PPIL2: variants seen among roughly 807,000 people sequenced by gnomAD.
PPIL2 encodes the protein RING-type E3 ubiquitin-protein ligase PPIL2.
PPIL2 carries 50 observed loss-of-function variants against 75.2 expected under a neutral mutation model. That is an observed-to-expected ratio of 0.66 (90% CI 0.53 to 0.84). PPIL2 has a LOEUF of 0.84. Ranked by LOEUF, PPIL2 falls within the 40% of genes least tolerant of loss-of-function variation. The pLI is 0.00. For synonymous variants in PPIL2, 245 were observed against 258.8 expected (o/e 0.95, Z 0.51); for missense variants, 590 against 685.0 (o/e 0.86, Z 1.55).
intron 6 of PPIL2, among the ~76,000 whole-genome samples, chr22:21,675,998 G>A (rs1407730534): frequency 1.3e-5 from 2 of 152,236 alleles, no homozygotes; most frequent in Non-Finnish European, 2.9e-5. Flanking sequence ...TCTTTTGCCT[G>A]TGGAGATGCT....
At chr22:21,691,088 C>T (rs749929376) in intron 15 of PPIL2, among the ~76,000 whole-genome samples, 6 of 144,002 alleles carry the variant, frequency 4.2e-5, no homozygotes, top group Non-Finnish European at 7.5e-5. Context: ...GGATTACAGA[C>T]GCCCACCACC....
chr22:21,686,814 TC>T, intron 11 of PPIL2, 77 bp from the exon 12 acceptor site: 1 of 1,388,524 alleles, frequency 7.2e-7, no homozygotes, highest in East Asian at 2.3e-5. Flanking sequence ...CGCCTGTGTG[TC>T]TGAGGTCGGT....
At chr22:21,670,800 T>A in intron 3 of PPIL2, 189 bp downstream of exon 3, 1 of 831,330 alleles carries the variant, frequency 1.2e-6, no homozygotes, top group East Asian at 2.4e-5. Flanking sequence ...TGTTGGATCC[T>A]GCTCTAGACC....
Position 21,675,087 on chromosome 22 carries a change from C to T in PPIL2, c.267C>T (p.Ile89=). The T allele has an allele frequency of 1.9e-6, 3 of 1,613,330 alleles. No homozygotes were observed. Among genetic ancestry groups the T allele is most frequent in the Non-Finnish European group, 2.5e-6 (3 of 1,179,334 alleles). The part of the protein sequence containing the change: ...NGEKLDGRSL[I]KLNFSKNSEG... ...AGAAGCTGGACGGGAGGTCCCTGAT[C>T]AAGCTGAACTTTTCCAAGAACAGTG... Residue 89 remains isoleucine, a synonymous_variant, in exon 6 of 20, where the codon ATC becomes ATT. Coordinates refer to ENST00000398831, the MANE Select transcript of PPIL2 (RefSeq NM_014337.4).
At chr22:21,684,121 C>T (rs1438953635) in intron 9 of PPIL2, among the ~76,000 whole-genome samples, 4 of 150,714 alleles carry the variant, frequency 2.7e-5, no homozygotes, top group Admixed American at 2.6e-4. Context: ...GCAGGAGAAT[C>T]GATTGAGCCC....
chr22:21,691,710 A>G (rs1052558341), intron 15 of PPIL2, among the ~76,000 whole-genome samples: 1 of 151,410 alleles, frequency 6.6e-6, no homozygotes, highest in African/African-American at 2.4e-5. Flanking sequence ...AAGATTTTCT[A>G]GGAGGAGCTT....
chr22:21,672,509 G>T, intron 5 of PPIL2, 128 bp downstream of exon 5: 1 of 925,386 alleles, frequency 1.1e-6, no homozygotes. Flanking sequence ...AGTGAGGAGG[G>T]ACAGTCTTCC....
chr22:21,670,516 G>T (rs760045236), intron 2 of PPIL2, 50 bp from the exon 3 acceptor site: 106 of 1,554,494 alleles, frequency 6.8e-5, no homozygotes, highest in Middle Eastern at 3.3e-4. Context: ...GCACATAGAT[G>T]AAATACTTTA....
rs1462661463 is a variant in PPIL2 at position 21,666,223 on chromosome 22, A to C, written c.32+92A>C. 1.5e-5 allele frequency: 22 copies of C among 1,420,604 alleles called. No individual in the cohort carries two copies. The Admixed American group carries it at 4.6e-4, about 30-fold the overall frequency. 88.0% of individuals were successfully genotyped at this position (1,420,604 alleles called of 1,614,324 possible). A position where few individuals can be genotyped will look rare whatever the true frequency, so the allele number is the denominator to read the frequency against. ...GCGCCGCTCGCCTTCCCTCTCAGCT[A>C]CTCCCCAGAGCACAGCCCAAAGGTC... On this transcript the variant is annotated intron_variant, in intron 1 of 19. Transcript: ENST00000398831.
intron 4 of PPIL2, among the ~76,000 whole-genome samples, chr22:21,671,697 C>T (rs1235893170): frequency 6.6e-6 from 1 of 152,172 alleles, no homozygotes; most frequent in African/African-American, 2.4e-5. Context: ...CACACACCAT[C>T]ACCATGCCTG....
chr22:21,695,557 T>G lies in PPIL2; in HGVS notation c.*67T>G. ...TGGGGGCCCATGTCCACATCTCCAT[T>G]TCCAGCCTTTCTAGCCTGCCCTCTG... On this transcript the variant is annotated 3_prime_UTR_variant, in exon 20 of 20. Transcript: ENST00000398831. The G allele has an allele frequency of 1.3e-6, 2 of 1,548,274 alleles. No individual in the cohort carries two copies. The highest frequency in any genetic ancestry group is 2.7e-5 in the African/African-American group (2 of 73,150).
chr22:21,677,699 G>A (rs1269429517), intron 6 of PPIL2, among the ~76,000 whole-genome samples: 3 of 151,468 alleles, frequency 2.0e-5, no homozygotes, highest in Non-Finnish European at 4.4e-5. Context: ...GAGCGGGAGC[G>A]GGAGAGGGAG....
intron 6 of PPIL2, among the ~76,000 whole-genome samples, chr22:21,676,917 C>T (rs1333269829): frequency 6.6e-6 from 1 of 152,226 alleles, no homozygotes; most frequent in African/African-American, 2.4e-5. Flanking sequence ...GGGCTCCTCA[C>T]TTCCCAGAAG....
At position 21,666,040 on chromosome 22, in the gene PPIL2, A is replaced by G. The variant is rs998168363; in HGVS notation, c.-60A>G. Reference sequence around the variant, plus strand: ...GGTCACGGAACTCGGCTGCGGCTCCATGGTCTGAGTTGTCAGCCGTTGTTT... The same window carrying G: ...GGTCACGGAACTCGGCTGCGGCTCCGTGGTCTGAGTTGTCAGCCGTTGTTT... On this transcript the variant is annotated 5_prime_UTR_variant, in exon 1 of 20. It removes an upstream start codon present in the reference 5' UTR. Transcript: ENST00000398831. The G allele has an allele frequency of 1.1e-5, 17 of 1,587,730 alleles. No homozygotes were observed. Among genetic ancestry groups the G allele is most frequent in the East Asian group, 2.3e-5 (1 of 44,172 alleles).
At chr22:21,695,157 C>T (rs1208842309) in intron 19 of PPIL2, 87 bp downstream of exon 19, 1 of 1,461,516 alleles carries the variant, frequency 6.8e-7, no homozygotes, top group Non-Finnish European at 9.0e-7. Context: ...GAGGGGCAAG[C>T]AAGCTATGGG....
Position 21,681,284 on chromosome 22 carries a change from GTGCC to G in PPIL2, c.296-13_296-10del. 6.3e-7 allele frequency: 1 copy of G among 1,599,156 alleles called. No individual in the cohort carries two copies. The highest frequency in any genetic ancestry group is 8.6e-7 in the Non-Finnish European group (1 of 1,166,346). ...ACAGAGGTGACTGGCCTCCCTGTGT[GTGCC>G]TTCTCTCTAGGGAAGTACCACTGCC... On this transcript the variant is annotated splice_polypyrimidine_tract_variant and intron_variant, in intron 6 of 19. Coordinates refer to ENST00000398831, the MANE Select transcript of PPIL2 (RefSeq NM_014337.4).
chr22:21,676,991 C>G (rs1266550109), intron 6 of PPIL2, among the ~76,000 whole-genome samples: 1 of 150,524 alleles, frequency 6.6e-6, no homozygotes, highest in Non-Finnish European at 1.5e-5. Context: ...GGGCTGCCCC[C>G]CACCTCCCTC....
At chr22:21,671,112 T>C (rs1397901173) in intron 4 of PPIL2, 53 bp downstream of exon 4, 1 of 1,538,694 alleles carries the variant, frequency 6.5e-7, no homozygotes, top group African/African-American at 1.4e-5. Flanking sequence ...TCAACACCCA[T>C]TAAGGAAGGG....
chr22:21,681,594 G>A (rs1175654262), intron 7 of PPIL2, among the ~76,000 whole-genome samples: 1 of 152,202 alleles, frequency 6.6e-6, no homozygotes, highest in Admixed American at 6.5e-5. Context: ...GTTGGGGGAG[G>A]TGCATCCTTC....
Sources: gnomAD v4.1 joint callset for allele counts (sites outside exome capture counted in the v4.1 genomes callset) on GRCh38, gnomAD v4.1.1 for gene constraint, MANE v1.5 for transcripts, NCBI Gene and HGNC (gene_info 2026-07-23, HGNC 2026-07-21) for gene names.